RAPGEF2: variants seen among roughly 807,000 people sequenced by gnomAD.
RAPGEF2 encodes PDZ domain containing guanine nucleotide exchange factor (GEF) 1.
Under a neutral mutation model 186.7 loss-of-function variants are expected in RAPGEF2, and 54 were observed. The ratio of observed to expected loss-of-function variants is 0.29; its 90% CI spans 0.23 to 0.36. The LOEUF is 0.36. RAPGEF2 is among the 10% of genes least tolerant of loss of function. The probability of loss-of-function intolerance (pLI) is 1.00; values close to 1 mark genes in which losing one functional copy is unlikely to be tolerated. For missense variants in RAPGEF2, 1,532 were observed against 2,045.0 expected (o/e 0.75, Z 4.84); for synonymous variants, 712 against 705.9 (o/e 1.01, Z -0.14).
At chr4:159,254,600 CTTTTTT>C (rs34644510) in intron 7 of RAPGEF2, among the ~76,000 whole-genome samples, 1 of 124,562 alleles carries the variant, frequency 8.0e-6, no homozygotes, top group African/African-American at 3.1e-5. Context: ...TACAGCATGA[CTTTTTT>C]TTTTTTTTTT....
intron 8 of RAPGEF2, among the ~76,000 whole-genome samples, chr4:159,307,647 C>T (rs188587699): frequency 1.1e-3 from 172 of 152,250 alleles, no homozygotes; most frequent in African/African-American, 3.8e-3. Flanking sequence ...TTGGATGAAA[C>T]TCCTAAAAGG....
chr4:159,358,076 G>C (rs1407901474), intron 29 of RAPGEF2, 38 bp from the exon 30 acceptor site: 1 of 1,601,586 alleles, frequency 6.2e-7, no homozygotes, highest in African/African-American at 1.3e-5. Flanking sequence ...TTACTTGCTT[G>C]CTCATTGATT....
At chr4:159,191,117 A>G (rs1748074672) in intron 2 of RAPGEF2, among the ~76,000 whole-genome samples, 1 of 152,132 alleles carries the variant, frequency 6.6e-6, no homozygotes, top group Admixed American at 6.5e-5. Context: ...TGGAGCATAG[A>G]GAAGAGGGCT....
At chr4:159,188,306 A>G (rs1323014227) in intron 2 of RAPGEF2, among the ~76,000 whole-genome samples, 1 of 152,202 alleles carries the variant, frequency 6.6e-6, no homozygotes, top group Non-Finnish European at 1.5e-5. Flanking sequence ...TTTTATTTAG[A>G]TAATAGGAAT....
chr4:159,274,958 A>G (rs1424470709), intron 7 of RAPGEF2, among the ~76,000 whole-genome samples: 1 of 152,074 alleles, frequency 6.6e-6, no homozygotes, highest in Non-Finnish European at 1.5e-5. Context: ...CACCCATGTC[A>G]TAAAGAATTA....
chr4:159,131,824 A>G (rs1209543448), intron 1 of RAPGEF2, among the ~76,000 whole-genome samples: 1 of 151,704 alleles, frequency 6.6e-6, no homozygotes, highest in Non-Finnish European at 1.5e-5. Context: ...TTTAACATAG[A>G]ATTACTTTGT....
chr4:159,132,467 C>T (rs1287802733), intron 1 of RAPGEF2, among the ~76,000 whole-genome samples: 2 of 152,142 alleles, frequency 1.3e-5, no homozygotes, highest in African/African-American at 2.4e-5. Context: ...TTGTTTGTTT[C>T]TCTTTGGTCC....
At chr4:159,336,157 AT>A (rs70962671) in intron 17 of RAPGEF2, among the ~76,000 whole-genome samples, 94,852 of 149,676 alleles carry the variant, frequency 0.63, 31,412 homozygotes, top group African/African-American at 0.82. Context: ...AATTGTCTTT[AT>A]TTTTTTTTTT....
chr4:159,182,234 C>T (rs933935029), intron 1 of RAPGEF2, among the ~76,000 whole-genome samples: 2 of 152,008 alleles, frequency 1.3e-5, no homozygotes, highest in African/African-American at 2.4e-5. Context: ...GTCTATATGA[C>T]GGTGACATTT....
chr4:159,319,067 C>A (rs1764937246), intron 9 of RAPGEF2, among the ~76,000 whole-genome samples: 1 of 152,104 alleles, frequency 6.6e-6, no homozygotes, highest in Non-Finnish European at 1.5e-5. Flanking sequence ...TTCCTAGTAT[C>A]CATCCCAGGC....
At chr4:159,135,788 G>A (rs1268599270) in intron 1 of RAPGEF2, among the ~76,000 whole-genome samples, 1 of 151,968 alleles carries the variant, frequency 6.6e-6, no homozygotes, top group Non-Finnish European at 1.5e-5. Flanking sequence ...TTAGAGAGAT[G>A]GGGTTTCACC....
intron 7 of RAPGEF2, among the ~76,000 whole-genome samples, chr4:159,303,587 A>G (rs1762934836): frequency 6.6e-6 from 1 of 151,968 alleles, no homozygotes; most frequent in African/African-American, 2.4e-5. Context: ...TTCTCACTTG[A>G]CGAGGGCATA....
chr4:159,288,390 T>C (rs1440418195), intron 7 of RAPGEF2, among the ~76,000 whole-genome samples: 1 of 152,138 alleles, frequency 6.6e-6, no homozygotes, highest in Non-Finnish European at 1.5e-5. Flanking sequence ...TTTTAAAAAG[T>C]TGAATAGCTG....
chr4:159,313,038 C>T (rs1055747407), intron 8 of RAPGEF2, among the ~76,000 whole-genome samples: 5 of 152,108 alleles, frequency 3.3e-5, no homozygotes, highest in Non-Finnish European at 5.9e-5. Context: ...GTCCCAGCTA[C>T]TCGGGAGGCT....
At chr4:159,226,419 A>G (rs1452142883) in intron 4 of RAPGEF2, among the ~76,000 whole-genome samples, 1 of 152,178 alleles carries the variant, frequency 6.6e-6, no homozygotes, top group Non-Finnish European at 1.5e-5. Context: ...TTTTGAAGTC[A>G]TGTAGCATAA....
At position 159,304,260 on chromosome 4, in the gene RAPGEF2, A is replaced by G. The variant is rs1763018192; in HGVS notation, c.544-82A>G. 7 of 1,319,366 alleles carry G rather than the reference A, an allele frequency of 5.3e-6. 1 individual carries two copies. In the South Asian group the frequency reaches 8.8e-5, roughly 17 times the overall value. 81.7% of individuals were successfully genotyped at this position (1,319,366 alleles called of 1,614,324 possible). A position where few individuals can be genotyped will look rare whatever the true frequency, so the allele number is the denominator to read the frequency against. On this transcript the variant is annotated intron_variant, in intron 7 of 29. Transcript: ENST00000691494. Reference sequence around the variant, plus strand: ...TTTTTAGTTCAATGGTATAGAATAAAATATGATATTTTAATTTTAAAATGT... The same window carrying G: ...TTTTTAGTTCAATGGTATAGAATAAGATATGATATTTTAATTTTAAAATGT...
At position 159,275,095 on chromosome 4, in the gene RAPGEF2, GTA is replaced by G. The variant is rs1491041745; in HGVS notation, c.544-29245_544-29244del. ...TGTGTGTGTGTGTGTGTGTGTGTGT[GTA>G]TGATATATGAGAATCTTATAATTGC... On this transcript the variant is annotated intron_variant, in intron 7 of 29. Transcript: ENST00000691494. Among the ~76,000 whole-genome samples, 106 of 137,598 alleles carry G rather than the reference GTA, an allele frequency of 7.7e-4. 2 individuals are homozygous for G. The highest frequency in any genetic ancestry group is 1.3e-3 in the Admixed American group (18 of 13,846). 90.3% of individuals were successfully genotyped at this position (137,598 alleles called of 152,430 possible). A position where few individuals can be genotyped will look rare whatever the true frequency, so the allele number is the denominator to read the frequency against.
intron 3 of RAPGEF2, among the ~76,000 whole-genome samples, chr4:159,203,175 A>G (rs1749630173): frequency 6.6e-6 from 1 of 152,078 alleles, no homozygotes; most frequent in Non-Finnish European, 1.5e-5. Flanking sequence ...CACCTTGTGG[A>G]TCTCTAGGAT....
intron 1 of RAPGEF2, among the ~76,000 whole-genome samples, chr4:159,133,419 A>AT (rs747028919): frequency 0.021 from 2,995 of 143,360 alleles, 101 homozygotes; most frequent in African/African-American, 0.066. Flanking sequence ...AGTTGTATGA[A>AT]TTTTTTTTTT....
Sources: allele counts gnomAD v4.1 joint callset (sites outside exome capture counted in the v4.1 genomes callset), GRCh38; gene constraint gnomAD v4.1.1; transcripts MANE v1.5; gene names NCBI Gene and HGNC (gene_info 2026-07-23, HGNC 2026-07-21).